SERGEF: variants seen among roughly 807,000 people sequenced by gnomAD.
SERGEF encodes secretion regulating guanine nucleotide exchange factor.
In SERGEF, 51 loss-of-function variants were observed where a neutral mutation model predicts 50.0. The ratio of observed to expected loss-of-function variants is 1.02; its 90% CI spans 0.81 to 1.29. The LOEUF (loss-of-function observed/expected upper bound fraction) is 1.29. SERGEF is among the 50% of genes most tolerant of loss of function. The probability of loss-of-function intolerance (pLI) is 0.00; values close to 1 mark genes in which losing one functional copy is unlikely to be tolerated. For missense variants in SERGEF, 521 were observed against 557.0 expected, an observed-to-expected ratio of 0.94 and a Z score of 0.65; for synonymous variants, 205 against 212.4, an observed-to-expected ratio of 0.97 and a Z score of 0.30.
In SERGEF at chr11:17,955,990, C is replaced by A. The variant is rs1409528944; in HGVS notation, c.1011+3480G>T. ...AGCAAACAAACCTGTTCACATACAT[C>A]CTGCCCTGACATGCGCTTGGTGGGA... is the stretch of plus-strand genomic sequence containing the variant. On this transcript the variant is annotated intron_variant, in intron 9 of 10. Coordinates refer to ENST00000265965, the MANE Select transcript of SERGEF (RefSeq NM_012139.4). Among the ~76,000 whole-genome samples, 5 of 152,182 alleles carry A rather than the reference C, an allele frequency of 3.3e-5. No homozygotes were observed. In the East Asian group the frequency reaches 7.7e-4, roughly 23 times the overall value.
intron 9 of SERGEF, among the ~76,000 whole-genome samples, chr11:17,946,288 A>T (rs1208049791): frequency 6.6e-6 from 1 of 152,160 alleles, no homozygotes; most frequent in Admixed American, 6.5e-5. Flanking sequence ...TGGACTAACG[A>T]CCACCACTGA....
chr11:18,006,862 C>A, intron 2 of SERGEF, 116 bp from the exon 3 acceptor site: 1 of 1,202,124 alleles, frequency 8.3e-7, no homozygotes, highest in South Asian at 1.3e-5. Context: ...TTTTTGCCAT[C>A]CAAGTTAATA....
At chr11:17,960,692 A>G (rs1852980060) in intron 8 of SERGEF, among the ~76,000 whole-genome samples, 1 of 152,230 alleles carries the variant, frequency 6.6e-6, no homozygotes, top group South Asian at 2.1e-4. Context: ...CTAAAAAAAT[A>G]ACCATAGATT....
intron 10 of SERGEF, among the ~76,000 whole-genome samples, chr11:17,872,843 G>T (rs953207577): frequency 2.0e-5 from 3 of 152,170 alleles, no homozygotes; most frequent in Admixed American, 6.5e-5. Context: ...GATATGGAAA[G>T]ATCTCCCAGA....
At chr11:17,815,951 A>T (rs1409762745) in intron 10 of SERGEF, among the ~76,000 whole-genome samples, 2 of 152,138 alleles carry the variant, frequency 1.3e-5, no homozygotes, top group African/African-American at 4.8e-5. Flanking sequence ...AACAAAAAAC[A>T]CTGACCCTCA....
chr11:17,828,424 G>T (rs1245159318), intron 10 of SERGEF, among the ~76,000 whole-genome samples: 1 of 152,238 alleles, frequency 6.6e-6, no homozygotes, highest in Non-Finnish European at 1.5e-5. Context: ...CAGCCCTGCC[G>T]TGTGGATCCA....
At chr11:17,908,274 T>C (rs1851888110) in intron 9 of SERGEF, among the ~76,000 whole-genome samples, 1 of 152,288 alleles carries the variant, frequency 6.6e-6, no homozygotes, top group East Asian at 1.9e-4. Flanking sequence ...CCCTACAGGC[T>C]CTGCTCCAGT....
chr11:17,845,639 T>C (rs962503404), intron 10 of SERGEF, among the ~76,000 whole-genome samples: 5 of 152,230 alleles, frequency 3.3e-5, no homozygotes, highest in Admixed American at 6.5e-5. Flanking sequence ...ATTCTGAAAT[T>C]TGAGATTTTC....
intron 9 of SERGEF, among the ~76,000 whole-genome samples, chr11:17,915,175 T>C (rs1852026163): frequency 6.6e-6 from 1 of 152,214 alleles, no homozygotes; most frequent in African/African-American, 2.4e-5. Flanking sequence ...AATGAGTAAA[T>C]GGATCAATGT....
rs748081196 is a variant in SERGEF, at chr11:17,836,954, A to G, written c.1048+41254T>C. ...CACCAGCAGAACACCAGCCACAGAT[A>G]AAGTACTTGCTAAAAGACTGCTGAA... On this transcript the variant is annotated intron_variant, in intron 10 of 10. Coordinates refer to ENST00000265965, the MANE Select transcript of SERGEF (RefSeq NM_012139.4). Among the ~76,000 whole-genome samples the G allele has an allele frequency of 5.3e-5, 8 of 152,222 alleles. No homozygotes were observed. In the East Asian group the frequency reaches 1.3e-3, roughly 26 times the overall value.
rs138846247 is a variant in SERGEF at position 17,949,267 on chromosome 11, G to C, written c.1011+10203C>G. ...GAGCCAGACGGCAGTCATCTTTGGG[G>C]AAGATGGGGAACTACAGGGCTCGCT... On this transcript the variant is annotated intron_variant, in intron 9 of 10. Coordinates refer to ENST00000265965, the MANE Select transcript of SERGEF (RefSeq NM_012139.4). 7.2e-4 allele frequency among the ~76,000 whole-genome samples: 109 copies of C among 152,254 alleles called. No individual in the cohort carries two copies. The East Asian group carries it at 8.9e-3, about 12-fold the overall frequency.
In SERGEF at chr11:17,970,672, C is replaced by T. The variant is rs191486718; in HGVS notation, c.845-11036G>A. Among the ~76,000 whole-genome samples the T allele has an allele frequency of 2.6e-5, 4 of 152,296 alleles. No homozygotes were observed. In the South Asian group the frequency reaches 6.2e-4, roughly 24 times the overall value. On this transcript the variant is annotated intron_variant, in intron 8 of 10. Transcript: ENST00000265965. ...TTCTTGAATGAAATTAAAAGTGCTT[C>T]GCTAGTGGACACCCTAATGATAAGA...
intron 9 of SERGEF, among the ~76,000 whole-genome samples, chr11:17,905,368 C>T (rs1483242496): frequency 1.3e-5 from 2 of 152,196 alleles, no homozygotes; most frequent in African/African-American, 4.8e-5. Flanking sequence ...AGTGCAATGG[C>T]CTGGGTTCTT....
intron 9 of SERGEF, among the ~76,000 whole-genome samples, chr11:17,936,013 A>G (rs1852446001): frequency 6.6e-6 from 1 of 152,190 alleles, no homozygotes. Flanking sequence ...TCATTAATTC[A>G]GGCTCACCAA....
At chr11:17,927,545 T>G (rs549435460) in intron 9 of SERGEF, among the ~76,000 whole-genome samples, 1 of 152,362 alleles carries the variant, frequency 6.6e-6, no homozygotes, top group Non-Finnish European at 1.5e-5. Flanking sequence ...GGTCCTGGTC[T>G]CTTCCACTAA....
chr11:18,006,896 G>A, intron 2 of SERGEF, 150 bp from the exon 3 acceptor site: 1 of 873,268 alleles, frequency 1.1e-6, no homozygotes, highest in African/African-American at 1.7e-5. Context: ...CATGTATTCT[G>A]GAGCCAAACA....
At chr11:18,002,410 C>G (rs1417444520) in intron 4 of SERGEF, among the ~76,000 whole-genome samples, 1 of 152,172 alleles carries the variant, frequency 6.6e-6, no homozygotes, top group Non-Finnish European at 1.5e-5. Flanking sequence ...CCACTCTACC[C>G]TGGAACTTCC....
intron 8 of SERGEF, among the ~76,000 whole-genome samples, chr11:17,961,974 C>T (rs189941176): frequency 6.6e-6 from 1 of 152,264 alleles, no homozygotes; most frequent in Admixed American, 6.5e-5. Flanking sequence ...AATGCTATGG[C>T]ATATAGAGTA....
chr11:17,967,142 T>A lies in SERGEF; in HGVS notation c.845-7506A>T, dbSNP rs527467461. 7.9e-5 allele frequency among the ~76,000 whole-genome samples: 12 copies of A among 152,334 alleles called. No homozygotes were observed. The South Asian group carries it at 1.2e-3, about 16-fold the overall frequency. ...AGTAGGCATTATAATCCTCAAATTA[T>A]AGATGAAAATATTAACGCATAGAGA... On this transcript the variant is annotated intron_variant, in intron 8 of 10. Coordinates refer to ENST00000265965, the MANE Select transcript of SERGEF (RefSeq NM_012139.4).
Sources: allele counts gnomAD v4.1 joint callset (sites outside exome capture counted in the v4.1 genomes callset), GRCh38; gene constraint gnomAD v4.1.1; transcripts MANE v1.5; gene names NCBI Gene and HGNC (gene_info 2026-07-23, HGNC 2026-07-21).